Variants in TUT7 observed in about 807,000 individuals in gnomAD.
TUT7 encodes the protein terminal uridylyltransferase 7.
In TUT7, 33 loss-of-function variants were observed where a neutral mutation model predicts 165.9. The observed-to-expected ratio is 0.20, with a 90% confidence interval of 0.15 to 0.27. The LOEUF (loss-of-function observed/expected upper bound fraction) is 0.27, where lower values mean the gene tolerates loss of function less well. Among genes scored for constraint, TUT7 ranks in the 10% least tolerant of loss-of-function variants. TUT7 has a pLI of 1.00. For synonymous variants in TUT7, 552 were observed against 608.1 expected (o/e 0.91, Z 1.36); for missense variants, 1,338 against 1,762.3 (o/e 0.76, Z 4.31).
rs966071608 is a variant in TUT7 at position 86,311,611 on chromosome 9, T to C, written c.3275-802A>G. Among the ~76,000 whole-genome samples the C allele has an allele frequency of 2.6e-5, 3 of 116,396 alleles. No homozygotes were observed. Among genetic ancestry groups the C allele is most frequent in the African/African-American group, 9.6e-5 (3 of 31,352 alleles). The allele number at this position is 116,396 out of a possible 152,430, so 76.4% of individuals were successfully genotyped here. A position where few individuals can be genotyped will look rare whatever the true frequency, so the allele number is the denominator to read the frequency against. ...TCTTCCCTCTCCCCTCTCCCCACGG[T>C]CTCCCTCTCCCTCTCTTTCCACGGT... is the stretch of plus-strand genomic sequence containing the variant. On this transcript the variant is annotated intron_variant, in intron 17 of 26. Coordinates refer to ENST00000375963, the MANE Select transcript of TUT7 (RefSeq NM_024617.4). This position sits in a 1 kb window ranked among gnomAD's most constrained non-coding sequence, Gnocchi z 4.4.
At position 86,288,549 on chromosome 9, in the gene TUT7, A is replaced by T; in HGVS notation, c.*128T>A. On this transcript the variant is annotated 3_prime_UTR_variant, in exon 27 of 27. Coordinates refer to ENST00000375963, the MANE Select transcript of TUT7 (RefSeq NM_024617.4). ...AACAATTTCATTAAATTAAAAAAAA[A>T]TCTGACATTTCCCTTAAATGTTAAG... The T allele has an allele frequency of 1.7e-6, 1 of 601,116 alleles. No homozygotes were observed. Among genetic ancestry groups the T allele is most frequent in the Non-Finnish European group, 2.7e-6 (1 of 372,176 alleles). 37.2% of individuals were successfully genotyped at this position (601,116 alleles called of 1,614,324 possible). A position where few individuals can be genotyped will look rare whatever the true frequency, so the allele number is the denominator to read the frequency against.
chr9:86,340,134 T>C (rs1453753372), intron 7 of TUT7, 29 bp from the exon 8 acceptor site: 1 of 1,584,830 alleles, frequency 6.3e-7, no homozygotes, highest in Admixed American at 1.7e-5. Flanking sequence ...AAATATTAAG[T>C]TGGTTAATTA....
intron 18 of TUT7, among the ~76,000 whole-genome samples, chr9:86,310,388 T>C (rs1827935956): frequency 6.6e-6 from 1 of 152,134 alleles, no homozygotes; most frequent in African/African-American, 2.4e-5. Context: ...CTCATGGCTT[T>C]TATACGTCCT....
intron 10 of TUT7, among the ~76,000 whole-genome samples, chr9:86,333,783 T>A (rs1164952499): frequency 6.6e-6 from 1 of 152,224 alleles, no homozygotes; most frequent in Non-Finnish European, 1.5e-5. Flanking sequence ...TAATTTTTTG[T>A]TGAAAGCTAG....
intron 17 of TUT7, among the ~76,000 whole-genome samples, chr9:86,312,702 C>T (rs1370752005): frequency 6.6e-6 from 1 of 152,102 alleles, no homozygotes; most frequent in African/African-American, 2.4e-5. Context: ...ATTGAGAAAT[C>T]GGATGGTTGC....
At chr9:86,352,409 A>C in intron 2 of TUT7, 1 of 533,816 alleles carries the variant, frequency 1.9e-6, no homozygotes, top group Admixed American at 3.5e-5. Flanking sequence ...CTCTTCTGTA[A>C]AAAACACGTT....
chr9:86,312,785 T>C (rs1421706121), intron 17 of TUT7, among the ~76,000 whole-genome samples: 1 of 152,226 alleles, frequency 6.6e-6, no homozygotes, highest in Non-Finnish European at 1.5e-5. Flanking sequence ...TTCTTCTGCC[T>C]TGGGATCCTG....
At chr9:86,295,033 G>T (rs984352817) in intron 26 of TUT7, among the ~76,000 whole-genome samples, 7 of 151,982 alleles carry the variant, frequency 4.6e-5, no homozygotes, top group African/African-American at 1.7e-4. Flanking sequence ...TGTTGCCCCT[G>T]TCATTTTTGT....
Position 86,328,330 on chromosome 9 carries a change from G to C in TUT7, c.1608+10C>G. ...GTGAAACTGACAACTAGAAACAAAA[G>C]AGAACAGACCTGTCCCCTTTTAATC... On this transcript the variant is annotated intron_variant, in intron 11 of 26. Coordinates refer to ENST00000375963, the MANE Select transcript of TUT7 (RefSeq NM_024617.4). The C allele has an allele frequency of 6.4e-7, 1 of 1,559,956 alleles. No homozygotes were observed. Among genetic ancestry groups the C allele is most frequent in the South Asian group, 1.2e-5 (1 of 81,240 alleles).
intron 17 of TUT7, among the ~76,000 whole-genome samples, chr9:86,312,393 C>G (rs1207875546): frequency 6.6e-6 from 1 of 151,724 alleles, no homozygotes; most frequent in Admixed American, 6.6e-5. Context: ...GCAGCCGCCC[C>G]GTCTGAGAAG....
At position 86,323,771 on chromosome 9, in the gene TUT7, T is replaced by A; in HGVS notation, c.1979A>T (p.His660Leu). The A allele has an allele frequency of 1.2e-6, 2 of 1,613,910 alleles. No individual in the cohort carries two copies. Among genetic ancestry groups the A allele is most frequent in the Non-Finnish European group, 1.7e-6 (2 of 1,179,878 alleles). Residue 660 changes from histidine to leucine, a missense_variant, in exon 13 of 27, where the codon CAT becomes CTT. This residue lies in a region of TUT7 where 425 missense variants were observed against 474.9 expected (regional missense o/e 0.89). Transcript: ENST00000375963. ...ISEHSKEVIN[H>L]HPDVQTKDDK... ...ATCTTTTGTTTGTACATCTGGATGA[T>A]GATTTATTACTTCTTTAGAATGTTC...
rs1830903644 is a variant in TUT7, at chr9:86,337,475, T to C, written c.1399A>G (p.Ile467Val). The C allele has an allele frequency of 1.2e-6, 2 of 1,613,790 alleles. No individual in the cohort carries two copies. The highest frequency in any genetic ancestry group is 8.5e-7 in the Non-Finnish European group (1 of 1,179,896). Residue 467 changes from isoleucine to valine, a missense_variant, in exon 10 of 27, where the codon ATT (isoleucine) becomes GTT (valine). Physicochemically the swap from Ile to Val is conservative, Grantham distance 29. Transcript: ENST00000375963. ...TCTTTCCTCTGCTGAAGAAAGAAAA[T>C]GGCCATCAGGGCAAACACATAAGGT... ...LPPYVFALMA[I>V]FFLQQRKEPL...
intron 14 of TUT7, among the ~76,000 whole-genome samples, chr9:86,320,214 C>G (rs1465099969): frequency 6.9e-6 from 1 of 143,966 alleles, no homozygotes; most frequent in Non-Finnish European, 1.5e-5. Context: ...TAAGGAGAAC[C>G]TAGTTTTTTT....
intron 16 of TUT7, 30 bp downstream of exon 16, chr9:86,318,928 G>A (rs1828984438): frequency 1.4e-5 from 22 of 1,554,590 alleles, no homozygotes; most frequent in Non-Finnish European, 1.9e-5. Flanking sequence ...CACTGCCACA[G>A]CAAATGGAAG....
chr9:86,322,229 T>C (rs1829371695), intron 14 of TUT7, 96 bp downstream of exon 14: 1 of 1,123,598 alleles, frequency 8.9e-7, no homozygotes, highest in Non-Finnish European at 1.3e-6. Flanking sequence ...TGGTCCCTAA[T>C]AATGTTTAGA....
chr9:86,327,190 C>T (rs1413611581), intron 11 of TUT7, among the ~76,000 whole-genome samples: 1 of 152,130 alleles, frequency 6.6e-6, no homozygotes, highest in African/African-American at 2.4e-5. Flanking sequence ...TTATCCATAG[C>T]GGCATTACAA....
At chr9:86,306,794 G>A (rs552762127) in intron 22 of TUT7, among the ~76,000 whole-genome samples, 2 of 152,140 alleles carry the variant, frequency 1.3e-5, no homozygotes, top group East Asian at 3.9e-4. Flanking sequence ...GTGAGACTCT[G>A]TCCCCCGCAA....
In TUT7 at chr9:86,343,067, G is replaced by C; in HGVS notation, c.1086+8C>G. The C allele has an allele frequency of 6.3e-7, 1 of 1,579,070 alleles. No homozygotes were observed. Reference sequence around the variant, plus strand: ...TCTGAAAGTGCCAGCATTTCATTTTGTACTTACAATGGCTGGAAACTGGAT... The same window carrying C: ...TCTGAAAGTGCCAGCATTTCATTTTCTACTTACAATGGCTGGAAACTGGAT... On this transcript the variant is annotated splice_region_variant and intron_variant, in intron 6 of 26. Coordinates refer to ENST00000375963, the MANE Select transcript of TUT7 (RefSeq NM_024617.4).
intron 6 of TUT7, 56 bp from the exon 7 acceptor site, chr9:86,341,109 G>A: frequency 1.4e-6 from 2 of 1,445,170 alleles, no homozygotes; most frequent in Middle Eastern, 1.7e-4. Context: ...TTGCTTCACT[G>A]ATATAAGAGT....
Sources: allele counts gnomAD v4.1 joint callset (sites outside exome capture counted in the v4.1 genomes callset), GRCh38; gene constraint gnomAD v4.1.1; regional missense constraint gnomAD v4.1.1; non-coding constraint Gnocchi (gnomAD v3.1); transcripts MANE v1.5; gene names NCBI Gene and HGNC (gene_info 2026-07-23, HGNC 2026-07-21).